TPRG1: variants seen among roughly 807,000 people sequenced by gnomAD.
TPRG1 encodes the protein tumor protein p63 regulated 1.
Under a neutral mutation model 29.3 loss-of-function variants are expected in TPRG1, and 29 were observed. That is an observed-to-expected ratio of 0.99 (90% CI 0.74 to 1.35). TPRG1 has a LOEUF of 1.35. Among genes scored for constraint, TPRG1 ranks in the 40% most tolerant of loss-of-function variants. TPRG1 has a pLI of 0.00. For missense variants in TPRG1, 327 were observed against 335.0 expected, an observed-to-expected ratio of 0.98 and a Z score of 0.19; for synonymous variants, 130 against 116.8, an observed-to-expected ratio of 1.11 and a Z score of -0.73.
intron 4 of TPRG1, among the ~76,000 whole-genome samples, chr3:189,281,971 C>T (rs1717217065): frequency 6.6e-6 from 1 of 151,934 alleles, no homozygotes; most frequent in African/African-American, 2.4e-5. Context: ...ACCTCTGCCT[C>T]CCAGGCTCAA....
At chr3:189,128,663 C>A (rs1363032773) in intron 2 of TPRG1, among the ~76,000 whole-genome samples, 1 of 152,158 alleles carries the variant, frequency 6.6e-6, no homozygotes, top group Non-Finnish European at 1.5e-5. Flanking sequence ...TACTATTTCT[C>A]TAATTTTAGT....
At chr3:189,080,757 C>A (rs1198170538) in intron 4 of TPRG1, among the ~76,000 whole-genome samples, 3 of 151,206 alleles carry the variant, frequency 2.0e-5, no homozygotes, top group African/African-American at 2.4e-5. Flanking sequence ...TGTGGGGAGG[C>A]CATCCTGGGT....
chr3:189,217,452 T>G (rs911260060), intron 3 of TPRG1, among the ~76,000 whole-genome samples: 1 of 152,210 alleles, frequency 6.6e-6, no homozygotes, highest in Non-Finnish European at 1.5e-5. Context: ...CTTGTTTGCT[T>G]GCAGACTTTC....
intron 4 of TPRG1, among the ~76,000 whole-genome samples, chr3:189,029,602 T>G (rs1479125357): frequency 1.3e-5 from 2 of 152,178 alleles, no homozygotes; most frequent in South Asian, 2.1e-4. Flanking sequence ...GGATTCTAAA[T>G]TTAAGAAAGA....
chr3:189,147,926 T>G (rs1725466915), intron 4 of TPRG1, among the ~76,000 whole-genome samples: 2 of 152,166 alleles, frequency 1.3e-5, no homozygotes, highest in South Asian at 4.1e-4. Flanking sequence ...CTTGCACTTG[T>G]GAAGATAAAA....
chr3:189,162,075 C>T (rs908297702), intron 5 of TPRG1, among the ~76,000 whole-genome samples: 2 of 152,180 alleles, frequency 1.3e-5, no homozygotes. Flanking sequence ...TCATTGCAAC[C>T]TCTGCTGCCC....
intron 4 of TPRG1, among the ~76,000 whole-genome samples, chr3:189,274,940 G>A: frequency 1.1e-5 from 1 of 92,004 alleles, no homozygotes; most frequent in East Asian, 2.8e-4. Flanking sequence ...TAATGAGTGT[G>A]TGTGTGTGTG....
chr3:189,074,911 C>A (rs190900747), intron 4 of TPRG1, among the ~76,000 whole-genome samples: 5,549 of 148,998 alleles, frequency 0.037, 295 homozygotes, highest in African/African-American at 0.12. Context: ...TCCCGGGTTC[C>A]CGCCATTCTC....
chr3:189,245,045 C>T lies in TPRG1; in HGVS notation c.479+6136C>T, dbSNP rs542107603. On this transcript the variant is annotated intron_variant, in intron 4 of 5. Transcript: ENST00000345063. ...AAGCGATTCTCCTGCCTCAGCCTCC[C>T]AAGTAGCTGAGATTACAGGCAGGTG... 3.3e-5 allele frequency among the ~76,000 whole-genome samples: 5 copies of T among 152,214 alleles called. No homozygotes were observed. In the East Asian group the frequency reaches 9.7e-4, roughly 29 times the overall value.
intron 4 of TPRG1, among the ~76,000 whole-genome samples, chr3:189,047,362 T>TA (rs753867330): frequency 6.9e-4 from 105 of 152,200 alleles, no homozygotes; most frequent in Admixed American, 1.8e-3. Context: ...CCAAGGTACA[T>TA]ACCTTAATTA....
At chr3:189,082,651 A>C (rs925646867) in intron 4 of TPRG1, among the ~76,000 whole-genome samples, 6 of 152,078 alleles carry the variant, frequency 3.9e-5, no homozygotes, top group African/African-American at 1.4e-4. Flanking sequence ...ACTCACTCTA[A>C]TTTGGTTTGA....
chr3:189,069,995 C>T (rs914128741), intron 4 of TPRG1, among the ~76,000 whole-genome samples: 2 of 152,024 alleles, frequency 1.3e-5, no homozygotes, highest in African/African-American at 2.4e-5. Flanking sequence ...GCAGGAGAAT[C>T]GGTTGAACCT....
intron 5 of TPRG1, among the ~76,000 whole-genome samples, chr3:189,166,491 C>T (rs377298029): frequency 6.6e-6 from 1 of 152,248 alleles, no homozygotes; most frequent in South Asian, 2.1e-4. Flanking sequence ...CAAAGGATAC[C>T]GAGGGAAACT....
chr3:189,110,122 G>A lies in TPRG1; in HGVS notation c.-744+9918G>A, dbSNP rs1024884683. Among the ~76,000 whole-genome samples the A allele has an allele frequency of 5.9e-5, 9 of 152,096 alleles. 1 individual carries two copies. The highest frequency in any genetic ancestry group is 4.1e-4 in the South Asian group (2 of 4,826). On this transcript the variant is annotated intron_variant, in intron 1 of 6. Transcript: ENST00000412373. ...TGAATATAGGTTTTCATTTAACTTCGGTAGAAACTACAAGTGGGATTGCTG... is the reference window on the plus strand; with the variant it reads ...TGAATATAGGTTTTCATTTAACTTCAGTAGAAACTACAAGTGGGATTGCTG...
intron 3 of TPRG1, among the ~76,000 whole-genome samples, chr3:189,223,260 C>A (rs980243860): frequency 1.3e-5 from 2 of 152,172 alleles, no homozygotes; most frequent in Non-Finnish European, 1.5e-5. Context: ...GTCCTGCCTC[C>A]GTGTCCATGG....
chr3:189,219,023 A>G (rs1250102844), intron 3 of TPRG1, among the ~76,000 whole-genome samples: 2 of 152,240 alleles, frequency 1.3e-5, no homozygotes, highest in African/African-American at 4.8e-5. Flanking sequence ...ATCAATTTCC[A>G]TTGTATAAAG....
intron 4 of TPRG1, among the ~76,000 whole-genome samples, chr3:189,068,365 A>G (rs1716590084): frequency 6.6e-6 from 1 of 152,220 alleles, no homozygotes; most frequent in Non-Finnish European, 1.5e-5. Context: ...TGCACTCACA[A>G]CATGCGCTAT....
chr3:189,063,558 G>A (rs1438461443), intron 4 of TPRG1, among the ~76,000 whole-genome samples: 1 of 152,006 alleles, frequency 6.6e-6, no homozygotes, highest in Non-Finnish European at 1.5e-5. Context: ...AAATCATACA[G>A]TGTGTTTTCT....
intron 4 of TPRG1, among the ~76,000 whole-genome samples, chr3:189,058,921 A>C (rs1715909977): frequency 6.6e-6 from 1 of 152,206 alleles, no homozygotes; most frequent in Non-Finnish European, 1.5e-5. Context: ...ACCAGCAAGC[A>C]AGATCGAGCA....
Sources: allele counts gnomAD v4.1 joint callset (sites outside exome capture counted in the v4.1 genomes callset), GRCh38; gene constraint gnomAD v4.1.1; transcripts MANE v1.5; gene names NCBI Gene and HGNC (gene_info 2026-07-23, HGNC 2026-07-21).